The following ANO10 variants were observed in gnomAD, a reference collection of about 807,000 sequenced individuals.
ANO10 encodes anoctamin-10.
Under a neutral mutation model 74.7 loss-of-function variants are expected in ANO10, and 77 were observed. The ratio of observed to expected loss-of-function variants is 1.03; its 90% confidence interval spans 0.86 to 1.25. The LOEUF (loss-of-function observed/expected upper bound fraction) is 1.25. Ranked by LOEUF, ANO10 falls within the 50% of genes most tolerant of loss-of-function variation. ANO10 has a pLI of 0.00. For missense variants in ANO10, 721 were observed against 778.1 expected, an observed-to-expected ratio of 0.93 and a Z score of 0.87; for synonymous variants, 279 against 284.9, an observed-to-expected ratio of 0.98 and a Z score of 0.21.
chr3:43,484,937 T>G, intron 11 of ANO10: 3 of 861,370 alleles, frequency 3.5e-6, no homozygotes, highest in East Asian at 2.7e-5. Flanking sequence ...CGTTCCTGAG[T>G]TTATTTGGGG....
intron 4 of ANO10, among the ~76,000 whole-genome samples, chr3:43,596,938 C>G (rs1035255112): frequency 6.6e-6 from 1 of 152,106 alleles, no homozygotes; most frequent in African/African-American, 2.4e-5. Flanking sequence ...ACAACCCCAT[C>G]GAAAAGTGGG....
At chr3:43,646,561 T>C (rs1406602854) in intron 1 of ANO10, among the ~76,000 whole-genome samples, 3 of 152,198 alleles carry the variant, frequency 2.0e-5, no homozygotes. Context: ...AGACGGAGTC[T>C]TGCTCTGATG....
At position 43,507,573 on chromosome 3, in the gene ANO10, C is replaced by CA. The variant is rs1235921345; in HGVS notation, c.1797+42146dup. ...CTAGGACTGACCCCTTTACAAGGGA[C>CA]AAAAAAAAAAGGAAACACAGCAAAC... On this transcript the variant is annotated intron_variant, in intron 11 of 12. Transcript: ENST00000292246. Among the ~76,000 whole-genome samples the CA allele has an allele frequency of 6.1e-3, 858 of 140,578 alleles. 9 individuals are homozygous for CA. The highest frequency in any genetic ancestry group is 0.021 in the African/African-American group (786 of 38,194). 92.2% of individuals were successfully genotyped at this position (140,578 alleles called of 152,430 possible). A position where few individuals can be genotyped will look rare whatever the true frequency, so the allele number is the denominator to read the frequency against.
intron 11 of ANO10, among the ~76,000 whole-genome samples, chr3:43,455,519 G>A (rs141996247): frequency 6.6e-6 from 1 of 152,056 alleles, no homozygotes; most frequent in East Asian, 1.9e-4. Flanking sequence ...CTTGAGGAAT[G>A]GGGGGAAATG....
At chr3:43,668,955 C>T (rs2084023941) in intron 1 of ANO10, among the ~76,000 whole-genome samples, 1 of 152,000 alleles carries the variant, frequency 6.6e-6, no homozygotes, top group Non-Finnish European at 1.5e-5. Flanking sequence ...ATCAATTGTA[C>T]TTCTTTAAAA....
At chr3:43,625,849 G>A (rs2083486379), upstream of ANO10, among the ~76,000 whole-genome samples, 2 of 151,590 alleles carry the variant, frequency 1.3e-5, no homozygotes, top group South Asian at 4.2e-4. Context: ...ATTTCTAACT[G>A]GTCAATTTTA....
At chr3:43,589,961 T>C (rs1409427541) in intron 4 of ANO10, among the ~76,000 whole-genome samples, 2 of 152,174 alleles carry the variant, frequency 1.3e-5, no homozygotes, top group East Asian at 3.9e-4. Flanking sequence ...GAACAGAATT[T>C]CTCTAAGGTT....
chr3:43,573,876 T>C (rs1434700318), intron 7 of ANO10, among the ~76,000 whole-genome samples: 1 of 152,180 alleles, frequency 6.6e-6, no homozygotes, highest in Non-Finnish European at 1.5e-5. Flanking sequence ...GATTGCTAAA[T>C]AGCAAAACAT....
intron 11 of ANO10, among the ~76,000 whole-genome samples, chr3:43,504,299 G>GATA (rs1437868196): frequency 5.1e-5 from 7 of 138,324 alleles, no homozygotes; most frequent in African/African-American, 1.3e-4. Flanking sequence ...TAGGTAGGTA[G>GATA]GTAGATAGAT....
intron 1 of ANO10, among the ~76,000 whole-genome samples, chr3:43,658,266 C>G (rs754753619): frequency 6.6e-6 from 1 of 151,902 alleles, no homozygotes; most frequent in African/African-American, 2.4e-5. Context: ...AGGCCATAAT[C>G]TAATATAAAA....
At chr3:43,632,784 T>A (rs1456870984) in intron 1 of ANO10, among the ~76,000 whole-genome samples, 1 of 152,206 alleles carries the variant, frequency 6.6e-6, no homozygotes. Context: ...TGGAGGTAAT[T>A]CACGATTTGA....
At position 43,549,764 on chromosome 3, in the gene ANO10, G is replaced by A. The variant is rs1022215776; in HGVS notation, c.1753C>T (p.Pro585Ser). ...AAAATGAGGTCTGCTTTTGATTCTG[G>A]AAAGACTGCATTCACTTGTGGTGAC... ...GMSPQVNAVF[P>S]ESKADLILIV... The change falls in exon 11 of 13, where the codon CCA (proline) becomes TCA (serine). Residue 585 changes from proline to serine, a missense_variant. Physicochemically the swap from Pro to Ser is moderately conservative, Grantham distance 74. Transcript: ENST00000292246. The A allele has an allele frequency of 3.1e-6, 5 of 1,613,938 alleles. No homozygotes were observed. In the East Asian group the frequency reaches 1.1e-4, roughly 36 times the overall value.
rs575452240 is a variant in ANO10 at position 43,469,562 on chromosome 3, G to A, written c.1798-36835C>T. Among the ~76,000 whole-genome samples, 5 of 152,230 alleles carry A rather than the reference G, an allele frequency of 3.3e-5. No individual in the cohort carries two copies. The East Asian group carries it at 9.6e-4, about 29-fold the overall frequency. On this transcript the variant is annotated intron_variant, in intron 11 of 12. Transcript: ENST00000292246. ...TTCTAAAGGCTTCTGGAAGTGCCAA[G>A]AACCAGTGCTTTTACCTTTATAAAT...
chr3:43,490,031 C>G (rs954004632), intron 11 of ANO10, among the ~76,000 whole-genome samples: 1 of 152,124 alleles, frequency 6.6e-6, no homozygotes, highest in Non-Finnish European at 1.5e-5. Context: ...TTCAGAAGTC[C>G]TTGAATATTA....
At chr3:43,476,600 C>T (rs1431232501) in intron 11 of ANO10, among the ~76,000 whole-genome samples, 1 of 152,160 alleles carries the variant, frequency 6.6e-6, no homozygotes, top group Non-Finnish European at 1.5e-5. Flanking sequence ...CCTGTTTTCT[C>T]CTTTTCCTTT....
chr3:43,561,800 T>C (rs139737591), intron 8 of ANO10, among the ~76,000 whole-genome samples: 13 of 152,292 alleles, frequency 8.5e-5, no homozygotes, highest in African/African-American at 2.9e-4. Flanking sequence ...CATCACCAAG[T>C]ACTTCATGAA....
chr3:43,542,068 A>G (rs1417066081), intron 11 of ANO10, among the ~76,000 whole-genome samples: 1 of 152,238 alleles, frequency 6.6e-6, no homozygotes, highest in Non-Finnish European at 1.5e-5. Context: ...CAGGAAAGCC[A>G]GAAGGCTTTC....
chr3:43,492,437 A>C (rs1427057534), intron 11 of ANO10, among the ~76,000 whole-genome samples: 2 of 152,222 alleles, frequency 1.3e-5, no homozygotes. Context: ...AAAATTGACA[A>C]ATGGGATCTA....
At chr3:43,368,293 G>A (rs373632369) in intron 12 of ANO10, among the ~76,000 whole-genome samples, 5 of 152,306 alleles carry the variant, frequency 3.3e-5, no homozygotes, top group Middle Eastern at 3.4e-3. Flanking sequence ...TGCGGTGGGG[G>A]TAAGAGGGTT....
Sources: allele counts gnomAD v4.1 joint callset (sites outside exome capture counted in the v4.1 genomes callset), GRCh38; gene constraint gnomAD v4.1.1; transcripts MANE v1.5; gene names NCBI Gene and HGNC (gene_info 2026-07-23, HGNC 2026-07-21).